Variants in TUSC3 observed in about 807,000 individuals in gnomAD.
TUSC3 encodes the protein dolichyl-diphosphooligosaccharide--protein glycosyltransferase subunit TUSC3.
A neutral mutation model predicts 44.8 loss-of-function variants in TUSC3; 45 were observed. The observed-to-expected ratio is 1.00, with a 90% confidence interval of 0.79 to 1.29. The LOEUF is 1.29. Ranked by LOEUF, TUSC3 falls within the 50% of genes most tolerant of loss-of-function variation. The pLI, the probability that TUSC3 is intolerant of heterozygous loss-of-function variation, is 0.00. For missense variants in TUSC3, 519 were observed against 437.9 expected, an observed-to-expected ratio of 1.19 and a Z score of -1.65; for synonymous variants, 212 against 152.9, an observed-to-expected ratio of 1.39 and a Z score of -2.85.
At chr8:15,810,335 T>A in the TUSC3 span, among the ~76,000 whole-genome samples, 1 of 152,144 alleles carries the variant, frequency 6.6e-6, no homozygotes, top group Non-Finnish European at 1.5e-5. Context: ...AGATGTTGAA[T>A]ACTCTGGGGA....
chr8:15,519,511 C>T (rs997062444), intron 2 of TUSC3, among the ~76,000 whole-genome samples: 1 of 152,072 alleles, frequency 6.6e-6, no homozygotes, highest in African/African-American at 2.4e-5. Flanking sequence ...AGGTGAGTGA[C>T]AAGCCAGCAT....
At position 15,673,819 on chromosome 8, in the gene TUSC3, C is replaced by G. The variant is rs1808063786; in HGVS notation, c.781C>G (p.Pro261Ala). ...IRGPPYAHKN[P>A]HNGQVSYIHG... Reference sequence around the variant, plus strand: ...TGGACCTCCATATGCTCATAAGAACCCACACAATGGACAAGTGGTAAGTGT... The same window carrying G: ...TGGACCTCCATATGCTCATAAGAACGCACACAATGGACAAGTGGTAAGTGT... The change falls in exon 6 of 11, where the codon CCA becomes GCA. Residue 261 changes from proline (P) to alanine (A), a missense_variant. Physicochemically the swap from Pro to Ala is conservative, Grantham distance 27. Transcript: ENST00000503731. 1 of 1,612,420 alleles carries G rather than the reference C, an allele frequency of 6.2e-7. No homozygotes were observed. Among genetic ancestry groups the G allele is most frequent in the Non-Finnish European group, 8.5e-7 (1 of 1,178,892 alleles).
chr8:15,471,111 G>T (rs73534258), intron 1 of TUSC3, among the ~76,000 whole-genome samples: 2 of 117,190 alleles, frequency 1.7e-5, no homozygotes, highest in African/African-American at 6.8e-5. Context: ...TGTGTGGTCA[G>T]AGGAGGTGCA....
chr8:15,809,829 C>T, the TUSC3 span, among the ~76,000 whole-genome samples: 2 of 152,164 alleles, frequency 1.3e-5, no homozygotes, highest in South Asian at 4.1e-4. Context: ...TTACACTTGG[C>T]AATGCCAGAC....
In TUSC3 at chr8:15,632,013, A is replaced by G. The variant is rs190564856; in HGVS notation, c.308+8764A>G. Among the ~76,000 whole-genome samples, 7 of 152,238 alleles carry G rather than the reference A, an allele frequency of 4.6e-5. No homozygotes were observed. In the East Asian group the frequency reaches 1.2e-3, roughly 25 times the overall value. ...TGAGCCACCGTACCCGGCCAAGGCT[A>G]TTCTTATATAATTAGAACACCATTA... is the stretch of plus-strand genomic sequence containing the variant. On this transcript the variant is annotated intron_variant, in intron 2 of 10. Transcript: ENST00000503731.
chr8:15,599,765 GT>G (rs1804209316), intron 1 of TUSC3, among the ~76,000 whole-genome samples: 1 of 141,748 alleles, frequency 7.1e-6, no homozygotes, highest in African/African-American at 2.6e-5. Flanking sequence ...CCTCTATTCT[GT>G]ACTATTGATC....
intron 9 of TUSC3, among the ~76,000 whole-genome samples, chr8:15,751,944 G>T (rs150727046): frequency 1.5e-3 from 235 of 152,202 alleles, no homozygotes; most frequent in African/African-American, 5.6e-3. Context: ...AAGTGATAAA[G>T]GATTTCACAA....
intron 1 of TUSC3, among the ~76,000 whole-genome samples, chr8:15,467,289 A>AC: frequency 6.6e-6 from 1 of 151,768 alleles, no homozygotes. Flanking sequence ...AAAAAAAAAA[A>AC]AAAAAAAGTG....
chr8:15,710,828 A>G (rs1809812746), intron 6 of TUSC3, among the ~76,000 whole-genome samples: 1 of 147,882 alleles, frequency 6.8e-6, no homozygotes, highest in Admixed American at 6.8e-5. Flanking sequence ...GTGAATTTAT[A>G]AATATATATA....
At chr8:15,526,042 T>C (rs1469964444) in intron 2 of TUSC3, among the ~76,000 whole-genome samples, 13 of 150,888 alleles carry the variant, frequency 8.6e-5, no homozygotes, top group Admixed American at 6.6e-4. Context: ...AGATTCATCT[T>C]TTTTTTTTGA....
At chr8:15,426,529 G>A (rs1799806509) in intron 1 of TUSC3, among the ~76,000 whole-genome samples, 1 of 152,146 alleles carries the variant, frequency 6.6e-6, no homozygotes, top group Non-Finnish European at 1.5e-5. Context: ...ATTTCACTAA[G>A]CATAATGTCC....
intron 2 of TUSC3, among the ~76,000 whole-genome samples, chr8:15,532,493 T>C (rs753382713): frequency 2.0e-5 from 3 of 152,166 alleles, no homozygotes; most frequent in Non-Finnish European, 4.4e-5. Context: ...CGTGTTTTTC[T>C]GAAGACGGTC....
chr8:15,496,024 A>T (rs1800875978), intron 2 of TUSC3, among the ~76,000 whole-genome samples: 1 of 152,122 alleles, frequency 6.6e-6, no homozygotes, highest in African/African-American at 2.4e-5. Context: ...CTACTGTTCC[A>T]GAATCCCATC....
Position 15,719,519 on chromosome 8 carries a change from CA to C in TUSC3, c.799-11146del, listed in dbSNP as rs1563188926. Among the ~76,000 whole-genome samples the C allele has an allele frequency of 5.7e-4, 7 of 12,284 alleles. 1 individual carries two copies. Among genetic ancestry groups the C allele is most frequent in the African/African-American group, 1.3e-3 (7 of 5,596 alleles). The allele number at this position is 12,284 out of a possible 152,430, so 8.1% of individuals were successfully genotyped here. A position where few individuals can be genotyped will look rare whatever the true frequency, so the allele number is the denominator to read the frequency against. On this transcript the variant is annotated intron_variant, in intron 6 of 10. Transcript: ENST00000503731. ...ATCACACACACACACACACACACCA[CA>C]CACACACACACACACACACACACAC...
intron 1 of TUSC3, among the ~76,000 whole-genome samples, chr8:15,581,689 C>G (rs1207175535): frequency 6.8e-6 from 1 of 146,960 alleles, no homozygotes; most frequent in Non-Finnish European, 1.5e-5. Context: ...AGATCTCCAG[C>G]TGCGTGCTGG....
At chr8:15,488,985 G>C (rs1023568145) in intron 2 of TUSC3, among the ~76,000 whole-genome samples, 3 of 152,136 alleles carry the variant, frequency 2.0e-5, no homozygotes, top group African/African-American at 4.8e-5. Context: ...GGCTATTCAG[G>C]ATAGAGTGTG....
At chr8:15,831,562 A>T in the TUSC3 span, among the ~76,000 whole-genome samples, 1 of 149,708 alleles carries the variant, frequency 6.7e-6, no homozygotes, top group Admixed American at 6.7e-5. Flanking sequence ...CAACAAAATG[A>T]TATGGGAACA....
At chr8:15,574,785 G>A (rs1044632200) in intron 1 of TUSC3, among the ~76,000 whole-genome samples, 1 of 152,078 alleles carries the variant, frequency 6.6e-6, no homozygotes. Context: ...TAAGCTAGAT[G>A]TTACTCTTTA....
intron 2 of TUSC3, among the ~76,000 whole-genome samples, chr8:15,518,280 A>G (rs146181436): frequency 2.4e-4 from 37 of 152,196 alleles, no homozygotes; most frequent in African/African-American, 8.2e-4. Context: ...TCAAAATGCC[A>G]TGTGTTTTTA....
Sources: allele counts gnomAD v4.1 joint callset (sites outside exome capture counted in the v4.1 genomes callset), GRCh38; gene constraint gnomAD v4.1.1; transcripts MANE v1.5; gene names NCBI Gene and HGNC (gene_info 2026-07-23, HGNC 2026-07-21).